Variants in SPMIP6 observed in about 807,000 individuals in gnomAD.
SPMIP6 encodes sperm microtubule inner protein 6, also known as ciliated bronchial epithelial protein 1.
At chr9:34,390,399 T>C in the SPMIP6 span, among the ~76,000 whole-genome samples, 1 of 152,192 alleles carries the variant, frequency 6.6e-6, no homozygotes, top group African/African-American at 2.4e-5. Flanking sequence ...ATAATTTACA[T>C]ACCATAAATT....
At chr9:34,390,407 A>C in the SPMIP6 span, among the ~76,000 whole-genome samples, 1 of 152,144 alleles carries the variant, frequency 6.6e-6, no homozygotes, top group Non-Finnish European at 1.5e-5. Context: ...CATACCATAA[A>C]TTTCACTCAA....
the SPMIP6 span, chr9:34,385,859 C>A: frequency 2.7e-6 from 4 of 1,491,386 alleles, no homozygotes; most frequent in African/African-American, 4.2e-5. Flanking sequence ...CTAGATCCAG[C>A]CTCTCTTGAG....
chr9:34,393,119 C>T, the SPMIP6 span, among the ~76,000 whole-genome samples: 1 of 152,188 alleles, frequency 6.6e-6, no homozygotes, highest in Non-Finnish European at 1.5e-5. Context: ...AAGTATAGTT[C>T]CAGCTAGTTG....
At chr9:34,394,256 C>T in the SPMIP6 span, among the ~76,000 whole-genome samples, 19 of 152,126 alleles carry the variant, frequency 1.2e-4, no homozygotes, top group Non-Finnish European at 7.4e-5. Flanking sequence ...CCTGGGTTCA[C>T]ACCATTCTCC....
chr9:34,379,218 A>G, the SPMIP6 span: 1 of 1,258,396 alleles, frequency 7.9e-7, no homozygotes, highest in South Asian at 1.2e-5. The surrounding 1 kb of genome is among the most constrained non-coding windows in gnomAD (Gnocchi z 4.2). Flanking sequence ...TTGGATCCTC[A>G]TATGTCAAAG....
the SPMIP6 span, chr9:34,380,813 C>G: frequency 6.8e-7 from 1 of 1,463,798 alleles, no homozygotes. Context: ...TGCACGGAAG[C>G]TGGCCGGGCT....
the SPMIP6 span, chr9:34,389,945 A>T: frequency 6.2e-5 from 7 of 113,756 alleles, no homozygotes; most frequent in Non-Finnish European, 7.7e-5. Context: ...TTTTTTTTTT[A>T]AGACTAGTCC....
At chr9:34,384,793 C>T in the SPMIP6 span, among the ~76,000 whole-genome samples, 1 of 152,084 alleles carries the variant, frequency 6.6e-6, no homozygotes, top group Admixed American at 6.5e-5. Context: ...GACAGTTTCT[C>T]ATAAGGTATA....
the SPMIP6 span, chr9:34,385,881 A>G: frequency 2.3e-6 from 3 of 1,307,592 alleles, no homozygotes; most frequent in Non-Finnish European, 3.1e-6. Flanking sequence ...AGGTCAGCCC[A>G]GGTGGGTCTC....
At chr9:34,391,166 G>T in the SPMIP6 span, among the ~76,000 whole-genome samples, 1 of 152,014 alleles carries the variant, frequency 6.6e-6, no homozygotes. Flanking sequence ...AATTGGTTTG[G>T]CAAGTTTTAT....
the SPMIP6 span, among the ~76,000 whole-genome samples, chr9:34,396,712 G>A: frequency 0.021 from 3,154 of 152,170 alleles, 101 homozygotes; most frequent in East Asian, 0.13. Context: ...GGATCCCTCA[G>A]TAGGTCTGCC....
chr9:34,382,660 G>T, the SPMIP6 span: 1 of 808,282 alleles, frequency 1.2e-6, no homozygotes, highest in South Asian at 1.3e-5. Context: ...AAGCAATGAG[G>T]ACCTAATGGT....
At chr9:34,397,794 A>G in the SPMIP6 span, 13 of 689,576 alleles carry the variant, frequency 1.9e-5, no homozygotes, top group Non-Finnish European at 2.9e-5. Context: ...TCCTTCCCCA[A>G]CAGCCTTCCT....
the SPMIP6 span, among the ~76,000 whole-genome samples, chr9:34,380,158 C>T: frequency 1.3e-5 from 2 of 152,152 alleles, no homozygotes; most frequent in African/African-American, 4.8e-5. Flanking sequence ...CTCTCTCGGC[C>T]TGGAGAGGGG....
chr9:34,388,113 T>C, the SPMIP6 span, among the ~76,000 whole-genome samples: 25,275 of 150,232 alleles, frequency 0.17, 2,401 homozygotes, highest in African/African-American at 0.26. Context: ...TGGCATGAAA[T>C]AGAAGGGGTG....
At chr9:34,381,361 C>T in the SPMIP6 span, 1 of 1,614,178 alleles carries the variant, frequency 6.2e-7, no homozygotes, top group Non-Finnish European at 8.5e-7. The surrounding 1 kb of genome is among the most constrained non-coding windows in gnomAD (Gnocchi z 4.4). Flanking sequence ...CCCACTACCA[C>T]TCTTTACCGT....
At chr9:34,394,177 A>T in the SPMIP6 span, among the ~76,000 whole-genome samples, 2 of 152,080 alleles carry the variant, frequency 1.3e-5, no homozygotes, top group African/African-American at 4.8e-5. Flanking sequence ...ATTTTTTGAG[A>T]TGGAGTCTTG....
chr9:34,386,891 G>T, the SPMIP6 span, among the ~76,000 whole-genome samples: 2 of 152,216 alleles, frequency 1.3e-5, no homozygotes, highest in African/African-American at 4.8e-5. Flanking sequence ...AGACCCACAG[G>T]TATCTGCAGG....
chr9:34,387,524 A>C, the SPMIP6 span, among the ~76,000 whole-genome samples: 1 of 151,442 alleles, frequency 6.6e-6, no homozygotes, highest in Non-Finnish European at 1.5e-5. Context: ...ACACACACAC[A>C]CCCCTGTGTA....
Sources: gnomAD v4.1 joint callset for allele counts (sites outside exome capture counted in the v4.1 genomes callset) on GRCh38, gnomAD v4.1.1 for gene constraint, Gnocchi (gnomAD v3.1) non-coding constraint, MANE v1.5 for transcripts, NCBI Gene and HGNC (gene_info 2026-07-23, HGNC 2026-07-21) for gene names.